ZC3H12B: variants seen among roughly 807,000 people sequenced by gnomAD.
ZC3H12B encodes the protein probable ribonuclease ZC3H12B.
Under a neutral mutation model 43.9 loss-of-function variants are expected in ZC3H12B, and 7 were observed. The observed-to-expected ratio is 0.16, with a 90% confidence interval of 0.09 to 0.30. The LOEUF (loss-of-function observed/expected upper bound fraction) is 0.30. Among genes scored for constraint, ZC3H12B ranks in the 10% least tolerant of loss-of-function variants. The pLI, the probability that ZC3H12B is intolerant of heterozygous loss-of-function variation, is 1.00. For missense variants in ZC3H12B, 475 were observed against 670.2 expected (o/e 0.71, Z 3.22); for synonymous variants, 222 against 241.7 (o/e 0.92, Z 0.76).
the ZC3H12B span, among the ~76,000 whole-genome samples, chrX:65,108,834 A>T: frequency 9.0e-6 from 1 of 111,651 alleles, no homozygotes; most frequent in African/African-American, 3.2e-5. Flanking sequence ...TGAACATATG[A>T]GTAATGTCTT....
At chrX:65,137,737 GA>G in the ZC3H12B span, among the ~76,000 whole-genome samples, 45 of 112,298 alleles carry the variant, frequency 4.0e-4, no homozygotes, top group African/African-American at 1.3e-3. Context: ...TTTAATTTAA[GA>G]AAAAAATATA....
At chrX:65,135,169 T>C in the ZC3H12B span, among the ~76,000 whole-genome samples, 1 of 111,347 alleles carries the variant, frequency 9.0e-6, no homozygotes, top group Non-Finnish European at 1.9e-5. Flanking sequence ...CCTAGTGAAG[T>C]GTATAAAGCC....
the ZC3H12B span, among the ~76,000 whole-genome samples, chrX:65,228,155 T>A: frequency 9.0e-6 from 1 of 111,672 alleles, no homozygotes; most frequent in South Asian, 3.7e-4. Flanking sequence ...GCAAACCGAA[T>A]CCAGCAACAC....
the ZC3H12B span, among the ~76,000 whole-genome samples, chrX:65,082,232 C>T: frequency 9.1e-6 from 1 of 109,850 alleles, no homozygotes; most frequent in African/African-American, 3.3e-5. Flanking sequence ...CAAGTACAAA[C>T]CAAATGCAAA....
chrX:65,211,599 G>T, the ZC3H12B span, among the ~76,000 whole-genome samples: 7 of 99,167 alleles, frequency 7.1e-5, no homozygotes, highest in Admixed American at 1.2e-4. Flanking sequence ...GATAGAGTTG[G>T]ATGCCAAACA....
At chrX:65,291,952 A>T in the ZC3H12B span, among the ~76,000 whole-genome samples, 2 of 112,029 alleles carry the variant, frequency 1.8e-5, no homozygotes, top group Non-Finnish European at 3.8e-5. Context: ...TGATGAAGGG[A>T]TTAATTCTCT....
chrX:65,142,745 G>T, the ZC3H12B span, among the ~76,000 whole-genome samples: 1 of 112,361 alleles, frequency 8.9e-6, no homozygotes, highest in Non-Finnish European at 1.9e-5. Flanking sequence ...AGCAACATTT[G>T]TTGAAAAGGG....
the ZC3H12B span, among the ~76,000 whole-genome samples, chrX:65,192,558 G>A: frequency 9.0e-6 from 1 of 110,768 alleles, no homozygotes; most frequent in East Asian, 2.8e-4. Flanking sequence ...TTATTTAGGA[G>A]GATGTTGAAT....
chrX:65,241,690 C>G, the ZC3H12B span, among the ~76,000 whole-genome samples: 25 of 112,706 alleles, frequency 2.2e-4, no homozygotes, highest in Admixed American at 2.2e-3. Context: ...CTGATTCAAC[C>G]TAACCACAGG....
chrX:65,144,071 A>T, the ZC3H12B span, among the ~76,000 whole-genome samples: 1 of 111,328 alleles, frequency 9.0e-6, no homozygotes, highest in African/African-American at 3.3e-5. Flanking sequence ...TGTCAGTAGG[A>T]TTGGTTCCAA....
the ZC3H12B span, among the ~76,000 whole-genome samples, chrX:65,114,916 ATTTTTTTTT>A: frequency 1.6e-4 from 3 of 19,324 alleles, no homozygotes; most frequent in African/African-American, 2.7e-4. Flanking sequence ...GTGTCTCAGG[ATTTTTTTTT>A]TTTTTTTTTT....
At chrX:65,393,006 G>C (rs1329432316) in intron 2 of ZC3H12B, among the ~76,000 whole-genome samples, 1 of 111,484 alleles carries the variant, frequency 9.0e-6, no homozygotes, top group Non-Finnish European at 1.9e-5. Flanking sequence ...GATTAAGGGC[G>C]GTGCAAGAAG....
At chrX:65,311,089 A>G in the ZC3H12B span, among the ~76,000 whole-genome samples, 1 of 112,213 alleles carries the variant, frequency 8.9e-6, no homozygotes, top group East Asian at 2.8e-4. Context: ...GGCATGGGCA[A>G]GGACTTCATG....
chrX:65,211,696 T>C, the ZC3H12B span, among the ~76,000 whole-genome samples: 6 of 89,224 alleles, frequency 6.7e-5, no homozygotes, highest in African/African-American at 2.5e-4. Flanking sequence ...TATAATATTA[T>C]ATAATATATA....
At chrX:65,384,050 C>T (rs1239395107) in intron 2 of ZC3H12B, among the ~76,000 whole-genome samples, 3 of 99,936 alleles carry the variant, frequency 3.0e-5, no homozygotes, top group South Asian at 1.0e-3. Flanking sequence ...AATCATGCTG[C>T]TATAAAGACA....
the ZC3H12B span, among the ~76,000 whole-genome samples, chrX:65,099,608 A>C: frequency 1.8e-5 from 2 of 111,369 alleles, no homozygotes; most frequent in African/African-American, 6.5e-5. Flanking sequence ...GCCCTCCAGC[A>C]TACTGCAGCA....
At chrX:65,304,413 G>A in the ZC3H12B span, among the ~76,000 whole-genome samples, 3 of 111,250 alleles carry the variant, frequency 2.7e-5, no homozygotes, top group South Asian at 1.1e-3. Context: ...TCAGGAGATC[G>A]AGACCATTCT....
chrX:65,317,852 T>A, the ZC3H12B span, among the ~76,000 whole-genome samples: 7 of 88,560 alleles, frequency 7.9e-5, no homozygotes, highest in Non-Finnish European at 1.3e-4. Flanking sequence ...ACGCACACAC[T>A]ATATATATAT....
the ZC3H12B span, among the ~76,000 whole-genome samples, chrX:65,190,390 G>A: frequency 1.8e-5 from 2 of 111,219 alleles, no homozygotes; most frequent in South Asian, 7.6e-4. Flanking sequence ...ACCTTGGGCA[G>A]TATGGCCATT....
Sources: allele counts gnomAD v4.1 joint callset (sites outside exome capture counted in the v4.1 genomes callset), GRCh38; gene constraint gnomAD v4.1.1; transcripts MANE v1.5; gene names NCBI Gene and HGNC (gene_info 2026-07-23, HGNC 2026-07-21).